The following SMARCA2 variants were observed in gnomAD, a reference collection of about 807,000 sequenced individuals.
SMARCA2 encodes SWI/SNF related BAF chromatin remodeling complex subunit ATPase 2.
A neutral mutation model predicts 199.8 loss-of-function variants in SMARCA2; 61 were observed. The ratio of observed to expected loss-of-function variants is 0.31; its 90% CI spans 0.25 to 0.38. The LOEUF is 0.38. Among genes scored for constraint, SMARCA2 ranks in the 10% least tolerant of loss-of-function variants. The pLI, the probability that SMARCA2 is intolerant of heterozygous loss-of-function variation, is 1.00. For synonymous variants in SMARCA2, 935 were observed against 732.0 expected, an observed-to-expected ratio of 1.28 and a Z score of -4.48; for missense variants, 1,344 against 2,012.2, an observed-to-expected ratio of 0.67 and a Z score of 6.35.
chr9:2,076,346 T>C lies in SMARCA2; in HGVS notation c.2036+17T>C. The C allele has an allele frequency of 7.0e-7, 1 of 1,435,172 alleles. No individual in the cohort carries two copies. The highest frequency in any genetic ancestry group is 9.8e-7 in the Non-Finnish European group (1 of 1,020,594). 88.9% of individuals were successfully genotyped at this position (1,435,172 alleles called of 1,614,324 possible). A position where few individuals can be genotyped will look rare whatever the true frequency, so the allele number is the denominator to read the frequency against. The stretch of plus-strand genomic sequence containing the variant: ...GATCATTGAGTATGTACTGCATTTT[T>C]CCCTTGGAAATGCATTGCATGAGGA... On this transcript the variant is annotated intron_variant, in intron 13 of 33. Coordinates refer to ENST00000349721, the MANE Select transcript of SMARCA2 (RefSeq NM_003070.5).
Position 2,155,922 on chromosome 9 carries a change from G to A in SMARCA2, c.3982-5764G>A, listed in dbSNP as rs376063770. 7.5e-4 allele frequency among the ~76,000 whole-genome samples: 113 copies of A among 151,616 alleles called. 1 individual carries two copies. Among genetic ancestry groups the A allele is most frequent in the African/African-American group, 2.7e-3 (110 of 41,338 alleles). On this transcript the variant is annotated intron_variant, in intron 27 of 33. Coordinates refer to ENST00000349721, the MANE Select transcript of SMARCA2 (RefSeq NM_003070.5). The stretch of plus-strand genomic sequence containing the variant: ...GCAGTTGGCATCCCAGTTGCCTGAC[G>A]AATGAAATACGAAACAGAGTCTGTT...
chr9:2,016,248 G>T lies in SMARCA2; in HGVS notation c.-37+844G>T, dbSNP rs909133423. On this transcript the variant is annotated intron_variant, in intron 1 of 33. Coordinates refer to ENST00000349721, the MANE Select transcript of SMARCA2 (RefSeq NM_003070.5). This position sits in a 1 kb window ranked among gnomAD's most constrained non-coding sequence, Gnocchi z 5.6. The stretch of plus-strand genomic sequence containing the variant: ...CCTTTAGGCAAAGGGGCTGCCAGGG[G>T]GCTGCGCCCCGGGCGCTGCGGACGT... 6.6e-6 allele frequency: 1 copy of T among 152,350 alleles called. No individual in the cohort carries two copies. Among genetic ancestry groups the T allele is most frequent in the Non-Finnish European group, 1.5e-5 (1 of 68,158 alleles). 9.4% of individuals were successfully genotyped at this position (152,350 alleles called of 1,614,324 possible). A position where few individuals can be genotyped will look rare whatever the true frequency, so the allele number is the denominator to read the frequency against.
chr9:2,182,113 T>C, intron 30 of SMARCA2, 28 bp from the exon 31 acceptor site: 5 of 1,407,828 alleles, frequency 3.6e-6, no homozygotes, highest in Non-Finnish European at 5.0e-6. Flanking sequence ...CCTCTTTTTT[T>C]CTCCATTTTC....
At chr9:2,071,544 T>C (rs907515021) in intron 10 of SMARCA2, among the ~76,000 whole-genome samples, 2 of 152,228 alleles carry the variant, frequency 1.3e-5, no homozygotes, top group Non-Finnish European at 2.9e-5. Context: ...TATTATCTGT[T>C]GGGAAAATTA....
chr9:2,111,795 G>T (rs1291749668), intron 24 of SMARCA2, among the ~76,000 whole-genome samples: 1 of 152,134 alleles, frequency 6.6e-6, no homozygotes, highest in Non-Finnish European at 1.5e-5. Flanking sequence ...TCCTTTGAGC[G>T]CTCCCAGGAG....
At chr9:2,089,468 C>T (rs1821955968) in intron 19 of SMARCA2, among the ~76,000 whole-genome samples, 1 of 152,048 alleles carries the variant, frequency 6.6e-6, no homozygotes, top group Non-Finnish European at 1.5e-5. Context: ...GGTAACGACT[C>T]TATTTTTGGA....
chr9:2,144,733 A>AG (rs1196724856), intron 27 of SMARCA2, among the ~76,000 whole-genome samples: 1 of 152,154 alleles, frequency 6.6e-6, no homozygotes, highest in Non-Finnish European at 1.5e-5. Flanking sequence ...TGTCCCCTCC[A>AG]GGGGGGCAGT....
chr9:2,164,895 G>A (rs1472759352), intron 28 of SMARCA2, among the ~76,000 whole-genome samples: 1 of 152,092 alleles, frequency 6.6e-6, no homozygotes, highest in Non-Finnish European at 1.5e-5. Context: ...TCCCACCACT[G>A]AATGTTTCAT....
chr9:2,056,788 G>A lies in SMARCA2; in HGVS notation c.1290G>A (p.Glu430=). The change falls in exon 7 of 34, where the codon GAG becomes GAA. Residue 430 remains glutamate (E), a synonymous_variant. Transcript: ENST00000349721. This position sits in a 1 kb window ranked among gnomAD's most constrained non-coding sequence, Gnocchi z 4.0. ...CTCTGAGAGAAGCTCGCATGACCGA[G>A]AAGCTGGAGAAGCAGCAGAAGATTG... ...RQTLREARMT[E]KLEKQQKIEQ... The A allele has an allele frequency of 4.3e-6, 7 of 1,614,204 alleles. No individual in the cohort carries two copies. The highest frequency in any genetic ancestry group is 5.1e-6 in the Non-Finnish European group (6 of 1,180,024).
chr9:2,094,593 G>C (rs1822193010), intron 19 of SMARCA2, among the ~76,000 whole-genome samples: 1 of 152,222 alleles, frequency 6.6e-6, no homozygotes, highest in Admixed American at 6.5e-5. Context: ...AATCTCCTCA[G>C]TCGTCCTAAC....
At chr9:2,102,531 A>G (rs960796190) in intron 22 of SMARCA2, among the ~76,000 whole-genome samples, 1 of 152,242 alleles carries the variant, frequency 6.6e-6, no homozygotes, top group African/African-American at 2.4e-5. Flanking sequence ...TTACATGTGC[A>G]CTGGCAAGTT....
intron 5 of SMARCA2, among the ~76,000 whole-genome samples, chr9:2,049,642 T>C (rs567035910): frequency 6.6e-6 from 1 of 152,224 alleles, no homozygotes; most frequent in Non-Finnish European, 1.5e-5. Context: ...AAGCACAGTT[T>C]GGTGGTGACA....
intron 29 of SMARCA2, among the ~76,000 whole-genome samples, chr9:2,175,764 A>G (rs1161310491): frequency 6.6e-6 from 1 of 152,118 alleles, no homozygotes; most frequent in Non-Finnish European, 1.5e-5. Context: ...ATTTTTCATT[A>G]TGCTTTGGCA....
chr9:2,155,278 A>AT (rs912641325), intron 27 of SMARCA2, among the ~76,000 whole-genome samples: 5 of 151,264 alleles, frequency 3.3e-5, no homozygotes, highest in African/African-American at 1.2e-4. Context: ...TTTTAAACTC[A>AT]TTTTTCTTTT....
At chr9:2,082,350 T>TGTGTGTGTGTGTGA (rs370220959) in intron 15 of SMARCA2, among the ~76,000 whole-genome samples, 6 of 140,746 alleles carry the variant, frequency 4.3e-5, no homozygotes, top group South Asian at 2.2e-4. Context: ...TGTGTGTGTG[T>TGTGTGTGTGTGTGA]GATTTCTTTG....
At chr9:2,186,027 C>T in intron 31 of SMARCA2, 69 bp from the exon 32 acceptor site, 1 of 1,453,248 alleles carries the variant, frequency 6.9e-7, no homozygotes, top group Admixed American at 1.8e-5. Flanking sequence ...TGGTGTATTG[C>T]ATAAGGAAGA....
chr9:2,100,540 AAAAATACAG>A (rs538786482), intron 21 of SMARCA2, among the ~76,000 whole-genome samples: 110 of 152,236 alleles, frequency 7.2e-4, no homozygotes, highest in African/African-American at 2.3e-3. Flanking sequence ...TGTTTCTACT[AAAAATACAG>A]AAAATTAGCC....
intron 27 of SMARCA2, among the ~76,000 whole-genome samples, chr9:2,129,850 G>C (rs573534597): frequency 2.6e-5 from 4 of 152,214 alleles, no homozygotes; most frequent in Middle Eastern, 3.4e-3. Flanking sequence ...CCAGGACAAA[G>C]ACCAGACAAA....
chr9:2,054,515 A>G (rs530004429), intron 5 of SMARCA2, 82 bp from the exon 6 acceptor site: 3 of 1,516,648 alleles, frequency 2.0e-6, no homozygotes, highest in East Asian at 4.6e-5. Context: ...ACTTAAACCT[A>G]ATGTCATTGT....
Sources: gnomAD v4.1 joint callset for allele counts (sites outside exome capture counted in the v4.1 genomes callset) on GRCh38, gnomAD v4.1.1 for gene constraint, Gnocchi (gnomAD v3.1) non-coding constraint, MANE v1.5 for transcripts, NCBI Gene and HGNC (gene_info 2026-07-23, HGNC 2026-07-21) for gene names.